ASTN2: variants seen among roughly 807,000 people sequenced by gnomAD.
ASTN2 encodes the protein astrotactin 2, also known as astrotactin-2.
ASTN2 carries 54 observed loss-of-function variants against 139.8 expected under a neutral mutation model. That is an observed-to-expected ratio of 0.39 (90% CI 0.31 to 0.48). The LOEUF (loss-of-function observed/expected upper bound fraction) is 0.48, where lower values mean the gene tolerates loss of function less well. ASTN2 is among the 20% of genes least tolerant of loss of function. The pLI, the probability that ASTN2 is intolerant of heterozygous loss-of-function variation, is 0.95. For synonymous variants in ASTN2, 756 were observed against 719.5 expected, an observed-to-expected ratio of 1.05 and a Z score of -0.81; for missense variants, 1,565 against 1,725.1, an observed-to-expected ratio of 0.91 and a Z score of 1.64.
intron 19 of ASTN2, among the ~76,000 whole-genome samples, chr9:116,547,116 C>T (rs1325961511): frequency 2.0e-5 from 3 of 152,188 alleles, no homozygotes; most frequent in African/African-American, 7.2e-5. Flanking sequence ...CACTCCTCCA[C>T]CTGAGTACTT....
chr9:116,521,417 A>G (rs1850867269), intron 19 of ASTN2, among the ~76,000 whole-genome samples: 1 of 152,184 alleles, frequency 6.6e-6, no homozygotes, highest in Non-Finnish European at 1.5e-5. Context: ...TATTCAGTAA[A>G]TGGTGCTGGG....
chr9:117,256,828 C>T (rs1210140613), intron 2 of ASTN2, among the ~76,000 whole-genome samples: 1 of 152,120 alleles, frequency 6.6e-6, no homozygotes, highest in Non-Finnish European at 1.5e-5. Context: ...CACAAGAATG[C>T]TGCAAAGGAC....
intron 19 of ASTN2, among the ~76,000 whole-genome samples, chr9:116,492,561 C>T (rs547566449): frequency 7.9e-5 from 12 of 152,292 alleles, no homozygotes; most frequent in African/African-American, 2.9e-4. Context: ...GGTGCCTTGA[C>T]TCCTGGAGTC....
chr9:117,300,727 G>A (rs907511335), intron 1 of ASTN2, among the ~76,000 whole-genome samples: 7 of 152,316 alleles, frequency 4.6e-5, no homozygotes, highest in South Asian at 2.1e-4. Flanking sequence ...GAGGTCACCC[G>A]TGGGGACAGA....
chr9:116,955,883 T>C (rs1276030256), intron 10 of ASTN2, among the ~76,000 whole-genome samples: 1 of 152,204 alleles, frequency 6.6e-6, no homozygotes, highest in African/African-American at 2.4e-5. Context: ...CATCTCTGCA[T>C]GCAGGAGTTT....
intron 20 of ASTN2, among the ~76,000 whole-genome samples, chr9:116,458,401 T>C (rs1848393437): frequency 6.6e-6 from 1 of 151,986 alleles, no homozygotes; most frequent in Admixed American, 6.6e-5. Flanking sequence ...TAATAAATGC[T>C]TGAGGTGATG....
At chr9:116,656,429 C>A (rs755227040) in intron 16 of ASTN2, among the ~76,000 whole-genome samples, 31 of 152,090 alleles carry the variant, frequency 2.0e-4, no homozygotes, top group Non-Finnish European at 1.3e-4. Flanking sequence ...TAGGCCCTTG[C>A]CATTAAGTGA....
At chr9:116,532,520 C>T (rs2080661) in intron 19 of ASTN2, among the ~76,000 whole-genome samples, 88,332 of 152,028 alleles carry the variant, frequency 0.58, 26,340 homozygotes, top group African/African-American at 0.71. Flanking sequence ...CTTCAATCCA[C>T]CTTGAATTAA....
chr9:116,902,648 C>T (rs1834043424), intron 10 of ASTN2, among the ~76,000 whole-genome samples: 1 of 152,116 alleles, frequency 6.6e-6, no homozygotes, highest in South Asian at 2.1e-4. Context: ...ATGACAGAAT[C>T]GCCTAATGGT....
chr9:117,136,755 A>G (rs1207145082), intron 4 of ASTN2, among the ~76,000 whole-genome samples: 1 of 152,206 alleles, frequency 6.6e-6, no homozygotes, highest in Admixed American at 6.5e-5. Context: ...CTGCAGGCCA[A>G]TGGGCAGGAC....
chr9:116,535,929 T>G (rs1031753329), intron 19 of ASTN2, among the ~76,000 whole-genome samples: 2 of 152,328 alleles, frequency 1.3e-5, no homozygotes, highest in Admixed American at 6.5e-5. Flanking sequence ...GAAGTTCTCC[T>G]GGATAACATC....
chr9:116,761,524 A>C (rs1407593053), intron 13 of ASTN2, among the ~76,000 whole-genome samples: 1 of 152,174 alleles, frequency 6.6e-6, no homozygotes, highest in East Asian at 1.9e-4. Context: ...AATGAATCAG[A>C]GTATTTTAGG....
chr9:116,899,937 C>T (rs142048583), intron 10 of ASTN2, among the ~76,000 whole-genome samples: 202 of 152,278 alleles, frequency 1.3e-3, no homozygotes, highest in Admixed American at 0.01. Context: ...TGGCCCCCAC[C>T]TAGGAACTGA....
intron 6 of ASTN2, among the ~76,000 whole-genome samples, chr9:117,032,358 A>C (rs978361592): frequency 1.3e-5 from 2 of 152,180 alleles, no homozygotes; most frequent in Non-Finnish European, 1.5e-5. Context: ...AAATGAGTTA[A>C]CAAAGAAAAA....
At chr9:116,956,930 A>C (rs1386313759) in intron 10 of ASTN2, among the ~76,000 whole-genome samples, 1 of 152,244 alleles carries the variant, frequency 6.6e-6, no homozygotes, top group African/African-American at 2.4e-5. Context: ...GAAAGAAATT[A>C]AGATCTAAAT....
chr9:117,184,590 A>G (rs886670314), intron 3 of ASTN2, among the ~76,000 whole-genome samples: 2 of 152,088 alleles, frequency 1.3e-5, no homozygotes, highest in African/African-American at 4.8e-5. Context: ...CTTTTGCATC[A>G]TTTCTGTAAA....
At chr9:117,240,370 G>A (rs1833170305) in intron 2 of ASTN2, among the ~76,000 whole-genome samples, 1 of 152,154 alleles carries the variant, frequency 6.6e-6, no homozygotes, top group African/African-American at 2.4e-5. Context: ...GAACGAGGAT[G>A]GTTGAAAAAG....
At chr9:116,541,373 G>C (rs1851870554) in intron 19 of ASTN2, among the ~76,000 whole-genome samples, 3 of 152,148 alleles carry the variant, frequency 2.0e-5, no homozygotes, top group Admixed American at 2.0e-4. Flanking sequence ...CAGAGAGTGA[G>C]AAAGGGTCTA....
At chr9:117,264,121 T>A (rs79345811) in intron 2 of ASTN2, among the ~76,000 whole-genome samples, 3,868 of 152,286 alleles carry the variant, frequency 0.025, 160 homozygotes, top group African/African-American at 0.089. Flanking sequence ...ATTTATGGTA[T>A]CCACATAATA....
Sources: gnomAD v4.1 joint callset for allele counts (sites outside exome capture counted in the v4.1 genomes callset) on GRCh38, gnomAD v4.1.1 for gene constraint, MANE v1.5 for transcripts, NCBI Gene and HGNC (gene_info 2026-07-23, HGNC 2026-07-21) for gene names.